The following TBK1 variants were observed in gnomAD, a reference collection of about 807,000 sequenced individuals.
TBK1 encodes serine/threonine-protein kinase TBK1.
TBK1 carries 37 observed loss-of-function variants against 99.9 expected under a neutral mutation model. That is an observed-to-expected ratio of 0.37 (90% CI 0.28 to 0.49). The LOEUF (loss-of-function observed/expected upper bound fraction) is 0.49. TBK1 is among the 20% of genes least tolerant of loss of function. The probability of loss-of-function intolerance (pLI) is 0.98; values close to 1 mark genes in which losing one functional copy is unlikely to be tolerated. For missense variants in TBK1, 644 were observed against 872.5 expected, an observed-to-expected ratio of 0.74 and a Z score of 3.30; for synonymous variants, 258 against 279.8, an observed-to-expected ratio of 0.92 and a Z score of 0.78.
At chr12:64,474,988 T>C (rs1269426753) in intron 6 of TBK1, among the ~76,000 whole-genome samples, 1 of 152,028 alleles carries the variant, frequency 6.6e-6, no homozygotes, top group African/African-American at 2.4e-5. Flanking sequence ...GGTGGTGGTA[T>C]GCTCCCATAG....
intron 3 of TBK1, among the ~76,000 whole-genome samples, chr12:64,464,085 A>G (rs1466211557): frequency 6.6e-6 from 1 of 152,020 alleles, no homozygotes; most frequent in Non-Finnish European, 1.5e-5. Flanking sequence ...GATAGTCTCA[A>G]TCTCTTGACC....
intron 11 of TBK1, 48 bp downstream of exon 11, chr12:64,486,065 C>A: frequency 7.6e-7 from 1 of 1,309,204 alleles, no homozygotes; most frequent in Non-Finnish European, 1.1e-6. Context: ...GTAGACCTTG[C>A]CCCATCATTG....
intron 12 of TBK1, 46 bp from the exon 13 acceptor site, chr12:64,489,995 G>C: frequency 8.9e-7 from 1 of 1,117,378 alleles, no homozygotes. Context: ...TTAAAACTAT[G>C]TATTGATTAT....
intron 2 of TBK1, among the ~76,000 whole-genome samples, chr12:64,458,922 T>C (rs2040518760): frequency 6.6e-6 from 1 of 152,202 alleles, no homozygotes; most frequent in Non-Finnish European, 1.5e-5. Context: ...TCTTTGATCT[T>C]TCATCTTCCT....
At chr12:64,462,604 A>G (rs749273098) in intron 3 of TBK1, among the ~76,000 whole-genome samples, 9 of 152,020 alleles carry the variant, frequency 5.9e-5, no homozygotes, top group African/African-American at 2.2e-4. Context: ...TTTTTCTACT[A>G]TGATTATTTC....
intron 6 of TBK1, 110 bp from the exon 7 acceptor site, chr12:64,479,902 T>C (rs2040751356): frequency 3.1e-6 from 2 of 638,176 alleles, no homozygotes; most frequent in Non-Finnish European, 5.4e-6. Flanking sequence ...TCACAAAGTT[T>C]CATCTAGTAG....
chr12:64,499,898 A>G (rs780850344), intron 20 of TBK1, among the ~76,000 whole-genome samples: 23 of 151,936 alleles, frequency 1.5e-4, no homozygotes, highest in Non-Finnish European at 2.6e-4. Context: ...AGGTTTCACC[A>G]TGTTGGCCAG....
intron 6 of TBK1, 75 bp downstream of exon 6, chr12:64,474,465 T>G: frequency 7.3e-7 from 1 of 1,362,556 alleles, no homozygotes; most frequent in Non-Finnish European, 1.0e-6. Flanking sequence ...TTATTGTTAG[T>G]GGTTTATGCT....
chr12:64,459,534 T>C lies in TBK1; in HGVS notation c.88-655T>C, dbSNP rs183551337. On this transcript the variant is annotated intron_variant, in intron 2 of 20. Coordinates refer to ENST00000331710, the MANE Select transcript of TBK1 (RefSeq NM_013254.4). ...GAAGAAATAAATGCCTTTACTCCTC[T>C]AGAGAGGGTCTGTGAAGGAACAGCC... Among the ~76,000 whole-genome samples, 68 of 152,232 alleles carry C rather than the reference T, an allele frequency of 4.5e-4. 1 individual carries two copies. In the South Asian group the frequency reaches 6.6e-3, roughly 15 times the overall value.
At chr12:64,478,743 T>C (rs1171603280) in intron 6 of TBK1, among the ~76,000 whole-genome samples, 2 of 152,246 alleles carry the variant, frequency 1.3e-5, no homozygotes, top group African/African-American at 4.8e-5. Context: ...ATTGCCCTTT[T>C]AATGAAATCT....
chr12:64,484,253 C>A, intron 8 of TBK1, 50 bp from the exon 9 acceptor site: 1 of 1,239,374 alleles, frequency 8.1e-7, no homozygotes, highest in Non-Finnish European at 1.1e-6. Flanking sequence ...AATATTTTGC[C>A]TCTCACTTTA....
At chr12:64,494,300 C>CAA (rs113315198) in intron 13 of TBK1, among the ~76,000 whole-genome samples, 85 of 134,400 alleles carry the variant, frequency 6.3e-4, no homozygotes, top group African/African-American at 2.4e-3. Context: ...CCAACTCTAC[C>CAA]AAAAAAAAAA....
intron 16 of TBK1, among the ~76,000 whole-genome samples, chr12:64,496,610 G>C (rs899992225): frequency 6.6e-6 from 1 of 152,156 alleles, no homozygotes; most frequent in Non-Finnish European, 1.5e-5. Context: ...GGGAGAAGGA[G>C]GGGGGAGAAA....
At chr12:64,501,234 C>CT in intron 20 of TBK1, 96 bp from the exon 21 acceptor site, 1 of 1,102,264 alleles carries the variant, frequency 9.1e-7, no homozygotes, top group East Asian at 2.4e-5. Flanking sequence ...AAATAAATAG[C>CT]TATTTATTCC....
At chr12:64,500,383 A>G (rs994793850) in intron 20 of TBK1, among the ~76,000 whole-genome samples, 1 of 152,042 alleles carries the variant, frequency 6.6e-6, no homozygotes, top group African/African-American at 2.4e-5. Context: ...TACCCTCTCA[A>G]CAAGTTTGGC....
chr12:64,454,838 G>A (rs1002364631), intron 1 of TBK1, among the ~76,000 whole-genome samples: 1 of 151,244 alleles, frequency 6.6e-6, no homozygotes, highest in Non-Finnish European at 1.5e-5. Context: ...CACCATGCCC[G>A]GCTAATTTTT....
intron 5 of TBK1, among the ~76,000 whole-genome samples, chr12:64,468,957 C>A (rs1210376190): frequency 2.0e-5 from 3 of 151,974 alleles, no homozygotes; most frequent in African/African-American, 7.3e-5. Flanking sequence ...TTGCTGAGAA[C>A]CTACTGCATC....
intron 4 of TBK1, among the ~76,000 whole-genome samples, chr12:64,465,789 T>C (rs758727828): frequency 6.6e-6 from 1 of 152,152 alleles, no homozygotes; most frequent in Non-Finnish European, 1.5e-5. Context: ...AAGATGGAGT[T>C]GGGTATGAGT....
chr12:64,497,621 CTTTTT>C, intron 18 of TBK1, 22 bp from the exon 19 acceptor site: 16 of 1,024,040 alleles, frequency 1.6e-5, no homozygotes, highest in Admixed American at 1.5e-4. Context: ...GGGTTTTTTT[CTTTTT>C]TTTTTTTTTT....
Sources: allele counts gnomAD v4.1 joint callset (sites outside exome capture counted in the v4.1 genomes callset), GRCh38; gene constraint gnomAD v4.1.1; transcripts MANE v1.5; gene names NCBI Gene and HGNC (gene_info 2026-07-23, HGNC 2026-07-21).